The following DPP10 variants were observed in gnomAD, a reference collection of about 807,000 sequenced individuals.
The protein encoded by DPP10 is dipeptidyl peptidase like 10, also known as inactive dipeptidyl peptidase 10.
A neutral mutation model predicts 120.9 loss-of-function variants in DPP10; 33 were observed. That is an observed-to-expected ratio of 0.27 (90% CI 0.21 to 0.37). The LOEUF (loss-of-function observed/expected upper bound fraction) is 0.37. Ranked by LOEUF, DPP10 falls within the 10% of genes least tolerant of loss-of-function variation. The pLI, the probability that DPP10 is intolerant of heterozygous loss-of-function variation, is 1.00. For missense variants in DPP10, 816 were observed against 942.8 expected (o/e 0.87, Z 1.76); for synonymous variants, 337 against 326.1 (o/e 1.03, Z -0.36).
At position 115,489,563 on chromosome 2, in the gene DPP10, G is replaced by A. The variant is rs188922399; in HGVS notation, c.272-9947G>A. ...AAAAACAAATAAAAGGCCATGCAAG[G>A]CAAAGGTTAAGTCCCATCCTACAAA... is the stretch of plus-strand genomic sequence containing the variant. On this transcript the variant is annotated intron_variant, in intron 3 of 25. Transcript: ENST00000410059. Among the ~76,000 whole-genome samples the A allele has an allele frequency of 2.9e-3, 441 of 149,714 alleles. 3 individuals are homozygous for A. Among genetic ancestry groups the A allele is most frequent in the Non-Finnish European group, 2.7e-3 (183 of 67,680 alleles).
chr2:114,480,337 C>T (rs1185329702), intron 1 of DPP10, among the ~76,000 whole-genome samples: 1 of 151,916 alleles, frequency 6.6e-6, no homozygotes, highest in Admixed American at 6.6e-5. Context: ...ACCATTTGAC[C>T]CAGCCATCCC....
intron 1 of DPP10, among the ~76,000 whole-genome samples, chr2:114,997,214 AG>A (rs1296264473): frequency 6.6e-6 from 1 of 151,776 alleles, no homozygotes; most frequent in Admixed American, 6.6e-5. Context: ...CTTGAATAAA[AG>A]TCATAGATGC....
At chr2:115,628,915 A>G (rs11899945) in intron 5 of DPP10, among the ~76,000 whole-genome samples, 149,562 of 151,558 alleles carry the variant, frequency 0.99, 73,830 homozygotes, top group Non-Finnish European at 1. Context: ...TGCTGCACCC[A>G]TTAACTCGTC....
chr2:115,329,564 C>T (rs1179611239), intron 2 of DPP10, among the ~76,000 whole-genome samples: 2 of 152,020 alleles, frequency 1.3e-5, no homozygotes, highest in Non-Finnish European at 2.9e-5. Flanking sequence ...TTAGGTATAT[C>T]TCCTAATGCT....
chr2:115,716,829 G>A (rs2092511396), intron 7 of DPP10, among the ~76,000 whole-genome samples: 1 of 152,114 alleles, frequency 6.6e-6, no homozygotes. Context: ...AGATAACCAA[G>A]CCTAGTCCCA....
At chr2:115,692,268 G>A (rs539436230) in intron 7 of DPP10, among the ~76,000 whole-genome samples, 1 of 151,858 alleles carries the variant, frequency 6.6e-6, no homozygotes, top group East Asian at 1.9e-4. Context: ...ATGCTTTATG[G>A]CTTGGGATTT....
intron 1 of DPP10, among the ~76,000 whole-genome samples, chr2:114,566,809 G>C (rs1429601196): frequency 6.6e-6 from 1 of 152,186 alleles, no homozygotes; most frequent in Non-Finnish European, 1.5e-5. Context: ...CCTTGGACAA[G>C]TTTTCCTCTG....
intron 1 of DPP10, among the ~76,000 whole-genome samples, chr2:114,786,724 T>C (rs980210043): frequency 7.2e-5 from 11 of 152,218 alleles, no homozygotes; most frequent in Non-Finnish European, 1.3e-4. Context: ...ATCTGGTTAC[T>C]GGTAATTTAG....
intron 1 of DPP10, among the ~76,000 whole-genome samples, chr2:114,668,352 C>T (rs576614269): frequency 1.3e-5 from 2 of 152,248 alleles, no homozygotes; most frequent in South Asian, 4.1e-4. Context: ...AATGTCCTAG[C>T]GCAGAAAGAA....
rs139628226 is a variant in DPP10, at chr2:115,464,252, T to G, written c.272-35258T>G. On this transcript the variant is annotated intron_variant, in intron 3 of 25. Transcript: ENST00000410059. ...CTAGAACAAGAATATAAATGGAGAT[T>G]ATTAGTTTTACATTAAATATTTAAC... Among the ~76,000 whole-genome samples the G allele has an allele frequency of 2.6e-5, 4 of 152,258 alleles. No homozygotes were observed. The East Asian group carries it at 7.7e-4, about 29-fold the overall frequency.
intron 4 of DPP10, among the ~76,000 whole-genome samples, chr2:115,519,583 T>C (rs577109532): frequency 6.6e-6 from 1 of 152,358 alleles, no homozygotes; most frequent in African/African-American, 2.4e-5. Flanking sequence ...TTTCTGCATA[T>C]ATAGCCAGCT....
chr2:114,582,627 G>C (rs1690628711), intron 1 of DPP10, among the ~76,000 whole-genome samples: 1 of 152,114 alleles, frequency 6.6e-6, no homozygotes, highest in Admixed American at 6.5e-5. Context: ...CTGGATTTTG[G>C]CCATTCTAGT....
At chr2:115,524,575 T>A (rs2078015166) in intron 4 of DPP10, among the ~76,000 whole-genome samples, 1 of 152,134 alleles carries the variant, frequency 6.6e-6, no homozygotes, top group Non-Finnish European at 1.5e-5. Flanking sequence ...GCATGATTTA[T>A]TCAATCACTG....
chr2:115,766,277 AT>A (rs1303441674), intron 12 of DPP10, among the ~76,000 whole-genome samples: 1 of 92,606 alleles, frequency 1.1e-5, no homozygotes, highest in East Asian at 4.6e-4. Context: ...AAAAATACTC[AT>A]TATATATATG....
At chr2:115,135,808 G>A (rs2050623165) in intron 1 of DPP10, among the ~76,000 whole-genome samples, 1 of 152,168 alleles carries the variant, frequency 6.6e-6, no homozygotes, top group South Asian at 2.1e-4. Flanking sequence ...CCATTTTGCA[G>A]AAGGTTTCTT....
At chr2:114,954,557 AAAAG>A (rs1329921243) in intron 1 of DPP10, among the ~76,000 whole-genome samples, 2 of 152,160 alleles carry the variant, frequency 1.3e-5, no homozygotes, top group South Asian at 2.1e-4. Flanking sequence ...AACTGGAAAA[AAAAG>A]AATAAACCAA....
At chr2:114,649,714 T>C (rs1418067118) in intron 1 of DPP10, among the ~76,000 whole-genome samples, 1 of 152,198 alleles carries the variant, frequency 6.6e-6, no homozygotes, top group East Asian at 1.9e-4. Context: ...TTAAACTGTC[T>C]AGAATTCAGT....
At chr2:115,795,040 C>G (rs1684392915) in intron 19 of DPP10, among the ~76,000 whole-genome samples, 1 of 152,110 alleles carries the variant, frequency 6.6e-6, no homozygotes, top group African/African-American at 2.4e-5. Context: ...ACTGACTATC[C>G]TGTAATTACC....
chr2:114,741,037 G>T (rs1036431813), intron 1 of DPP10, among the ~76,000 whole-genome samples: 7 of 152,070 alleles, frequency 4.6e-5, no homozygotes, highest in Non-Finnish European at 1.0e-4. Context: ...TATATTTGTG[G>T]CATTTATGTT....
Sources: gnomAD v4.1 joint callset for allele counts (sites outside exome capture counted in the v4.1 genomes callset) on GRCh38, gnomAD v4.1.1 for gene constraint, MANE v1.5 for transcripts, NCBI Gene and HGNC (gene_info 2026-07-23, HGNC 2026-07-21) for gene names.